The following IGF1R variants were observed in gnomAD, a reference collection of about 807,000 sequenced individuals.
IGF1R encodes insulin-like growth factor 1 receptor.
Under a neutral mutation model 144.6 loss-of-function variants are expected in IGF1R, and 44 were observed. The ratio of observed to expected loss-of-function variants is 0.30; its 90% CI spans 0.24 to 0.39. IGF1R has a LOEUF of 0.39. IGF1R is among the 10% of genes least tolerant of loss of function. The pLI is 1.00. For synonymous variants in IGF1R, 795 were observed against 722.8 expected (o/e 1.10, Z -1.60); for missense variants, 1,355 against 1,833.7 (o/e 0.74, Z 4.77).
intron 2 of IGF1R, among the ~76,000 whole-genome samples, chr15:98,793,151 A>C (rs1292870138): frequency 6.6e-6 from 1 of 152,192 alleles, no homozygotes; most frequent in African/African-American, 2.4e-5. Flanking sequence ...AGTTCCATTG[A>C]GTTCAATTTT....
chr15:98,717,328 T>C (rs1161577260), intron 2 of IGF1R, among the ~76,000 whole-genome samples: 1 of 89,680 alleles, frequency 1.1e-5, no homozygotes, highest in African/African-American at 4.9e-5. Context: ...TGGTGGCAGC[T>C]GCTGCTATTT....
intron 2 of IGF1R, among the ~76,000 whole-genome samples, chr15:98,830,481 A>T (rs1360258157): frequency 6.6e-6 from 1 of 152,146 alleles, no homozygotes; most frequent in Admixed American, 6.5e-5. Context: ...GTCATCAGTG[A>T]CTATTGTAGT....
At chr15:98,803,649 G>T (rs945831050) in intron 2 of IGF1R, among the ~76,000 whole-genome samples, 1 of 151,964 alleles carries the variant, frequency 6.6e-6, no homozygotes, top group South Asian at 2.1e-4. Context: ...GGGACTAGAC[G>T]CACACACCAC....
At chr15:98,770,662 G>A (rs1316946735) in intron 2 of IGF1R, among the ~76,000 whole-genome samples, 1 of 152,176 alleles carries the variant, frequency 6.6e-6, no homozygotes, top group Non-Finnish European at 1.5e-5. Context: ...CTTTTGACAG[G>A]GAAGACCAGG....
chr15:98,869,798 C>T (rs2141603022), intron 2 of IGF1R, among the ~76,000 whole-genome samples: 1 of 152,290 alleles, frequency 6.6e-6, no homozygotes, highest in African/African-American at 2.4e-5. Flanking sequence ...ACACCTGCCT[C>T]CCCCCATTTT....
At chr15:98,846,740 G>A (rs2011344033) in intron 2 of IGF1R, among the ~76,000 whole-genome samples, 1 of 152,196 alleles carries the variant, frequency 6.6e-6, no homozygotes, top group Non-Finnish European at 1.5e-5. Flanking sequence ...GGCATTGGAT[G>A]CCTTTTGGAA....
In IGF1R at chr15:98,964,093, CAG is replaced by C. The variant is rs1373373279; in HGVS notation, c.*6654_*6655del. 8.6e-6 allele frequency: 2 copies of C among 233,054 alleles called. No individual in the cohort carries two copies. The highest frequency in any genetic ancestry group is 1.8e-4 in the South Asian group (1 of 5,522). The allele number at this position is 233,054 out of a possible 1,614,324, so 14.4% of individuals were successfully genotyped here. ...AGTGAGGTTGAGGTGAGAGGTTTGCCAGAGTTTGTCTACCTCTGGGTATCCCT... is the reference window on the plus strand; with the variant it reads ...AGTGAGGTTGAGGTGAGAGGTTTGCCAGTTTGTCTACCTCTGGGTATCCCT... On this transcript the variant is annotated 3_prime_UTR_variant, in exon 21 of 21. Coordinates refer to ENST00000650285, the MANE Select transcript of IGF1R (RefSeq NM_000875.5).
Position 98,963,854 on chromosome 15 carries a change from T to C in IGF1R, c.*6412T>C. Reference sequence around the variant, plus strand: ...AAATTGGTTTTAAAGTTGACTCCACTTCCTCTAACTCCAGTGGATTGTTGG... The same window carrying C: ...AAATTGGTTTTAAAGTTGACTCCACCTCCTCTAACTCCAGTGGATTGTTGG... On this transcript the variant is annotated 3_prime_UTR_variant, in exon 21 of 21. Coordinates refer to ENST00000650285, the MANE Select transcript of IGF1R (RefSeq NM_000875.5). 1.3e-5 allele frequency: 3 copies of C among 233,112 alleles called. No homozygotes were observed. Among genetic ancestry groups the C allele is most frequent in the Non-Finnish European group, 2.5e-5 (3 of 117,930 alleles). 14.4% of individuals were successfully genotyped at this position (233,112 alleles called of 1,614,324 possible). A position where few individuals can be genotyped will look rare whatever the true frequency, so the allele number is the denominator to read the frequency against.
intron 1 of IGF1R, among the ~76,000 whole-genome samples, chr15:98,685,334 T>C (rs2053299269): frequency 6.6e-6 from 1 of 152,184 alleles, no homozygotes; most frequent in South Asian, 2.1e-4. Flanking sequence ...ACACGCTGGA[T>C]GGTAGATGTT....
At chr15:98,943,155 G>A (rs567694087) in intron 19 of IGF1R, 103 bp downstream of exon 19, 80 of 1,375,686 alleles carry the variant, frequency 5.8e-5, no homozygotes, top group African/African-American at 8.5e-5. Flanking sequence ...ATTGTTACCC[G>A]TTGCCAGCTT....
rs2012040892 is a variant in IGF1R, at chr15:98,859,726, C to T, written c.641-31599C>T. Among the ~76,000 whole-genome samples the T allele has an allele frequency of 2.6e-5, 4 of 152,256 alleles. No homozygotes were observed. In the South Asian group the frequency reaches 8.3e-4, roughly 32 times the overall value. On this transcript the variant is annotated intron_variant, in intron 2 of 20. Transcript: ENST00000650285. ...CACACATTCTTAAATGCATGATTAA[C>T]TGTATAGATTGATTTAGTTATAAGA...
In IGF1R at chr15:98,916,101, T is replaced by C; in HGVS notation, c.1966T>C (p.Tyr656His). 6.2e-7 allele frequency: 1 copy of C among 1,614,184 alleles called. No homozygotes were observed. Among genetic ancestry groups the C allele is most frequent in the Non-Finnish European group, 8.5e-7 (1 of 1,180,032 alleles). ...VRWQRQPQDGYLYRHNYCSKD... is the reference protein window; with the variant it reads ...VRWQRQPQDGHLYRHNYCSKD... ...CTGGCAGCGGCAGCCTCAGGACGGC[T>C]ACCTTTACCGGCACAATTACTGCTC... Residue 656 changes from tyrosine to histidine, a missense_variant, in exon 9 of 21, where the codon TAC (tyrosine) becomes CAC (histidine). Physicochemically the swap from Tyr to His is moderately conservative, Grantham distance 83. Around this residue, in one of 7 missense-constraint regions of IGF1R, gnomAD observed 880 missense variants for 1,202.7 expected, o/e 0.73. Transcript: ENST00000650285.
intron 2 of IGF1R, among the ~76,000 whole-genome samples, chr15:98,756,299 G>T (rs2055154760): frequency 6.7e-6 from 1 of 149,964 alleles, no homozygotes; most frequent in Admixed American, 6.6e-5. Flanking sequence ...AAACTTCATA[G>T]GCATCCCCTG....
chr15:98,797,155 A>T (rs2056263171), intron 2 of IGF1R, among the ~76,000 whole-genome samples: 1 of 152,218 alleles, frequency 6.6e-6, no homozygotes, highest in Non-Finnish European at 1.5e-5. Flanking sequence ...GATAAATGCC[A>T]CACCTGCTTT....
At chr15:98,681,270 T>C (rs1039012119) in intron 1 of IGF1R, among the ~76,000 whole-genome samples, 1 of 152,218 alleles carries the variant, frequency 6.6e-6, no homozygotes, top group African/African-American at 2.4e-5. Flanking sequence ...ACTTTCTGCC[T>C]GCACCTTGTT....
At chr15:98,653,334 T>C (rs1338358612) in intron 1 of IGF1R, among the ~76,000 whole-genome samples, 8 of 152,238 alleles carry the variant, frequency 5.3e-5, no homozygotes, top group African/African-American at 1.9e-4. Context: ...TCCAGTTTTA[T>C]TATGTTTTCC....
chr15:98,665,246 C>T (rs537376271), intron 1 of IGF1R, among the ~76,000 whole-genome samples: 47 of 152,248 alleles, frequency 3.1e-4, no homozygotes, highest in African/African-American at 1.1e-3. Context: ...CCACCGCGCC[C>T]GGCAGGAACC....
chr15:98,889,310 T>C (rs184012673), intron 2 of IGF1R, among the ~76,000 whole-genome samples: 14 of 152,326 alleles, frequency 9.2e-5, no homozygotes, highest in Admixed American at 7.2e-4. Context: ...CAAGTTCTGA[T>C]ATCTGTTTTC....
At chr15:98,728,004 A>ATTG (rs1555436577) in intron 2 of IGF1R, among the ~76,000 whole-genome samples, 3 of 42,364 alleles carry the variant, frequency 7.1e-5, no homozygotes, top group African/African-American at 1.3e-4. Context: ...CTGAAGATGC[A>ATTG]TTGTTTTTTT....
Sources: gnomAD v4.1 joint callset for allele counts (sites outside exome capture counted in the v4.1 genomes callset) on GRCh38, gnomAD v4.1.1 for gene constraint, gnomAD v4.1.1 regional missense constraint, MANE v1.5 for transcripts, NCBI Gene and HGNC (gene_info 2026-07-23, HGNC 2026-07-21) for gene names.